Variants in FNDC3B observed in about 807,000 individuals in gnomAD.
FNDC3B encodes fibronectin type III domain containing 3B.
FNDC3B carries 12 observed loss-of-function variants against 151.5 expected under a neutral mutation model. The observed-to-expected ratio is 0.08, with a 90% CI of 0.05 to 0.13. The LOEUF is 0.13. Among genes scored for constraint, FNDC3B ranks in the 10% least tolerant of loss-of-function variants. FNDC3B has a pLI of 1.00. For missense variants in FNDC3B, 1,214 were observed against 1,505.3 expected (o/e 0.81, Z 3.20); for synonymous variants, 528 against 549.0 (o/e 0.96, Z 0.54).
intron 11 of FNDC3B, among the ~76,000 whole-genome samples, chr3:172,327,218 AC>A (rs1312498393): frequency 2.0e-5 from 3 of 152,084 alleles, no homozygotes; most frequent in African/African-American, 7.2e-5. Flanking sequence ...CTTGCTGCAC[AC>A]CCCCAACTCG....
Position 172,070,019 on chromosome 3 carries a change from A to G in FNDC3B, c.-29+30248A>G, listed in dbSNP as rs1717689151. Among the ~76,000 whole-genome samples the G allele has an allele frequency of 3.3e-5, 5 of 152,268 alleles. No individual in the cohort carries two copies. The South Asian group carries it at 1.0e-3, about 32-fold the overall frequency. On this transcript the variant is annotated intron_variant, in intron 1 of 25. Transcript: ENST00000415807. ...CTTACTTAGGGCACTGTGGCAAATA[A>G]AGGGAGAAGTCAAGCTACTGCTTCC...
chr3:172,347,417 C>A, intron 21 of FNDC3B, 56 bp downstream of exon 21: 1 of 1,417,568 alleles, frequency 7.1e-7, no homozygotes. Context: ...ATGAAAGGCA[C>A]TTTGGGAAAC....
intron 1 of FNDC3B, among the ~76,000 whole-genome samples, chr3:172,086,092 G>T (rs1718533470): frequency 6.6e-6 from 1 of 152,188 alleles, no homozygotes; most frequent in African/African-American, 2.4e-5. Context: ...CAGGCATGGT[G>T]GTTCACACCT....
chr3:172,214,972 T>C lies in FNDC3B; in HGVS notation c.188-11899T>C, dbSNP rs188046964. On this transcript the variant is annotated intron_variant, in intron 3 of 25. Coordinates refer to ENST00000415807, the MANE Select transcript of FNDC3B (RefSeq NM_022763.4). ...CCCTGAAATATATTGAGTAATGATA[T>C]GTTGGTAAAGCAATACATGATTATT... Among the ~76,000 whole-genome samples the C allele has an allele frequency of 2.6e-5, 4 of 152,348 alleles. No individual in the cohort carries two copies. The East Asian group carries it at 7.7e-4, about 29-fold the overall frequency.
At chr3:172,199,380 C>T (rs1180854391) in intron 3 of FNDC3B, among the ~76,000 whole-genome samples, 4 of 149,686 alleles carry the variant, frequency 2.7e-5, no homozygotes, top group Admixed American at 6.7e-5. Context: ...GGGGTTTCAC[C>T]GTGTTAGCCA....
chr3:172,321,765 A>T (rs948776675), intron 11 of FNDC3B: 13 of 189,510 alleles, frequency 6.9e-5, no homozygotes, highest in Non-Finnish European at 1.0e-4. Flanking sequence ...TTTTTTATAA[A>T]TTTTTTTTAG....
Position 172,344,154 on chromosome 3 carries a change from G to T in FNDC3B, c.2146G>T (p.Val716Leu), listed in dbSNP as rs371384228. The part of the protein sequence containing the change: ...YSVEMTEPED[V>L]ASEVYHGPEL... The stretch of plus-strand genomic sequence containing the variant: ...CGTGGAGATGACGGAGCCCGAAGAC[G>T]TAGCCTCGGAAGTGTACCATGGCCC... Residue 716 changes from valine to leucine, a missense_variant, in exon 19 of 26, where the codon GTA (valine) becomes TTA (leucine). By Grantham distance (32) the Val-to-Leu change is conservative. Transcript: ENST00000415807. The T allele has an allele frequency of 3.7e-6, 6 of 1,614,120 alleles. No homozygotes were observed. The highest frequency in any genetic ancestry group is 4.5e-5 in the East Asian group (2 of 44,884).
intron 11 of FNDC3B, 36 bp downstream of exon 11, chr3:172,310,917 C>A (rs367627103): frequency 5.0e-5 from 74 of 1,466,898 alleles, no homozygotes; most frequent in Non-Finnish European, 6.9e-5. Flanking sequence ...TCTAAAACAC[C>A]ATTTCAAAAA....
At chr3:172,062,592 C>G (rs1027460401) in intron 1 of FNDC3B, among the ~76,000 whole-genome samples, 2 of 152,080 alleles carry the variant, frequency 1.3e-5, no homozygotes, top group African/African-American at 4.8e-5. Flanking sequence ...CCACTTTTCT[C>G]CTTCTTGAAA....
chr3:172,113,574 T>C (rs1178803028), intron 2 of FNDC3B, among the ~76,000 whole-genome samples: 1 of 152,230 alleles, frequency 6.6e-6, no homozygotes, highest in Non-Finnish European at 1.5e-5. Context: ...AAATGTTTGT[T>C]AGTTGAATGC....
At chr3:172,286,018 CTT>C in intron 7 of FNDC3B, 34 bp downstream of exon 7, 3 of 1,493,146 alleles carry the variant, frequency 2.0e-6, no homozygotes, top group Non-Finnish European at 2.8e-6. Flanking sequence ...ATAAATGACA[CTT>C]TTTAAAGTAT....
chr3:172,199,334 C>T (rs1356654898), intron 3 of FNDC3B, among the ~76,000 whole-genome samples: 1 of 151,776 alleles, frequency 6.6e-6, no homozygotes, highest in Non-Finnish European at 1.5e-5. Flanking sequence ...CGCCCGCCAC[C>T]TCGCCTGGCT....
chr3:172,141,898 C>T (rs2108586767), intron 3 of FNDC3B, among the ~76,000 whole-genome samples: 1 of 152,160 alleles, frequency 6.6e-6, no homozygotes, highest in East Asian at 1.9e-4. Context: ...TTATTTAGTG[C>T]ATTCTGTTTC....
chr3:172,372,980 C>G (rs1734952629), intron 23 of FNDC3B, among the ~76,000 whole-genome samples: 1 of 152,190 alleles, frequency 6.6e-6, no homozygotes, highest in African/African-American at 2.4e-5. Flanking sequence ...GAGCACAGGT[C>G]TTCCTGGGTC....
At chr3:172,128,425 A>G (rs1020409665) in intron 2 of FNDC3B, among the ~76,000 whole-genome samples, 3 of 152,166 alleles carry the variant, frequency 2.0e-5, no homozygotes, top group African/African-American at 7.2e-5. Context: ...TCAAAACACA[A>G]ATACTGCTTA....
At chr3:172,200,674 A>T (rs1725102171) in intron 3 of FNDC3B, among the ~76,000 whole-genome samples, 1 of 152,198 alleles carries the variant, frequency 6.6e-6, no homozygotes, top group Admixed American at 6.5e-5. Flanking sequence ...TGCAATTTTG[A>T]CAAGATATTT....
intron 6 of FNDC3B, among the ~76,000 whole-genome samples, chr3:172,268,684 AG>A (rs1242906788): frequency 6.6e-6 from 1 of 152,208 alleles, no homozygotes; most frequent in African/African-American, 2.4e-5. Context: ...AATAGAGGAG[AG>A]GCAAAGCTGA....
intron 1 of FNDC3B, among the ~76,000 whole-genome samples, chr3:172,041,704 A>C (rs183751176): frequency 6.6e-6 from 1 of 152,162 alleles, no homozygotes; most frequent in East Asian, 1.9e-4. Flanking sequence ...TCCACCCCTA[A>C]GTTAAAGCTA....
intron 4 of FNDC3B, among the ~76,000 whole-genome samples, chr3:172,240,217 C>T (rs1727427186): frequency 6.6e-6 from 1 of 152,124 alleles, no homozygotes; most frequent in African/African-American, 2.4e-5. Context: ...TACCCAGTTC[C>T]GTGTCCTTGA....
Sources: allele counts gnomAD v4.1 joint callset (sites outside exome capture counted in the v4.1 genomes callset), GRCh38; gene constraint gnomAD v4.1.1; transcripts MANE v1.5; gene names NCBI Gene and HGNC (gene_info 2026-07-23, HGNC 2026-07-21).